Variants in USP48 observed in about 807,000 individuals in gnomAD.
USP48 encodes the protein ubiquitin carboxyl-terminal hydrolase 48.
Under a neutral mutation model 150.7 loss-of-function variants are expected in USP48, and 43 were observed. That is an observed-to-expected ratio of 0.29 (90% confidence interval 0.22 to 0.37). The LOEUF (loss-of-function observed/expected upper bound fraction) is 0.37. USP48 is among the 10% of genes least tolerant of loss of function. The pLI, the probability that USP48 is intolerant of heterozygous loss-of-function variation, is 1.00. For synonymous variants in USP48, 396 were observed against 425.9 expected, an observed-to-expected ratio of 0.93 and a Z score of 0.86; for missense variants, 813 against 1,249.6, an observed-to-expected ratio of 0.65 and a Z score of 5.27.
In USP48 at chr1:21,783,059, C is replaced by T; in HGVS notation, c.-102G>A. ...CTTCGCCACCTGCCAGCAAGGAGGA[C>T]CTGGCGCTCCTTCAGGCAGCTGGCC... On this transcript the variant is annotated 5_prime_UTR_variant, in exon 1 of 27. Transcript: ENST00000308271. 1.4e-6 allele frequency: 2 copies of T among 1,386,148 alleles called. No homozygotes were observed. Among genetic ancestry groups the T allele is most frequent in the Non-Finnish European group, 1.9e-6 (2 of 1,075,792 alleles). 85.9% of individuals were successfully genotyped at this position (1,386,148 alleles called of 1,614,324 possible).
intron 8 of USP48, among the ~76,000 whole-genome samples, chr1:21,744,777 TAAAAAAAAAA>T (rs10699993): frequency 4.5e-4 from 27 of 59,548 alleles, no homozygotes; most frequent in Admixed American, 5.4e-4. Flanking sequence ...ACTCTATCTC[TAAAAAAAAAA>T]AAAAAAAAAA....
intron 22 of USP48, among the ~76,000 whole-genome samples, chr1:21,700,707 G>A (rs1169201547): frequency 6.6e-6 from 1 of 152,250 alleles, no homozygotes; most frequent in East Asian, 1.9e-4. Flanking sequence ...CAATGTGGGG[G>A]TCTGACTTTT....
intron 8 of USP48, among the ~76,000 whole-genome samples, chr1:21,744,165 C>G (rs2097788513): frequency 6.6e-6 from 1 of 152,026 alleles, no homozygotes; most frequent in South Asian, 2.1e-4. Flanking sequence ...AAATTAAGGC[C>G]AGGCGTGGTG....
chr1:21,713,074 T>C (rs2152531733), intron 15 of USP48, among the ~76,000 whole-genome samples: 1 of 148,472 alleles, frequency 6.7e-6, no homozygotes, highest in East Asian at 2.1e-4. Context: ...CTCCCTCCCT[T>C]TCTTTCTTTC....
intron 2 of USP48, 27 bp from the exon 3 acceptor site, chr1:21,756,729 TA>T (rs755039692): frequency 4.9e-5 from 79 of 1,609,644 alleles, no homozygotes; most frequent in Non-Finnish European, 6.5e-5. Flanking sequence ...TTCATAATTA[TA>T]AAACCCATTT....
chr1:21,736,629 G>A lies in USP48; in HGVS notation c.992-4C>T. ...AGTTCATACACGTAGGACCCACCTG[G>A]AGAGAAAGGGAGAAAGTAAAAGAAA... On this transcript the variant is annotated splice_polypyrimidine_tract_variant and splice_region_variant and intron_variant, in intron 8 of 26. Transcript: ENST00000308271. 7.2e-7 allele frequency: 1 copy of A among 1,379,480 alleles called. No homozygotes were observed. The highest frequency in any genetic ancestry group is 9.4e-7 in the Non-Finnish European group (1 of 1,060,674). The allele number at this position is 1,379,480 out of a possible 1,614,324, so 85.5% of individuals were successfully genotyped here. A position where few individuals can be genotyped will look rare whatever the true frequency, so the allele number is the denominator to read the frequency against.
intron 23 of USP48, among the ~76,000 whole-genome samples, chr1:21,691,614 G>A (rs933604994): frequency 2.0e-5 from 3 of 152,190 alleles, no homozygotes; most frequent in African/African-American, 4.8e-5. Flanking sequence ...CAGTCTGGGC[G>A]AAAGAGCAAG....
chr1:21,690,069 C>A lies in USP48; in HGVS notation c.2914G>T (p.Asp972Tyr). The change falls in exon 24 of 27, where the codon GAC becomes TAC. Residue 972 changes from aspartate (D) to tyrosine (Y), a missense_variant. Transcript: ENST00000308271. ...IMHAFSVAPF[D>Y]QNLSIDGKIL... ...TTTCCATCAATTGACAAATTCTGGT[C>A]AAAAGGAGCAACTGAAAATGCATGC... The A allele has an allele frequency of 1.2e-6, 2 of 1,613,114 alleles. No individual in the cohort carries two copies. The highest frequency in any genetic ancestry group is 2.2e-5 in the South Asian group (2 of 91,032).
intron 1 of USP48, among the ~76,000 whole-genome samples, chr1:21,761,129 A>G (rs191909159): frequency 6.6e-6 from 1 of 152,270 alleles, no homozygotes; most frequent in Non-Finnish European, 1.5e-5. Flanking sequence ...AGGAAGGTAC[A>G]AAACACTGCA....
At chr1:21,734,795 A>G (rs1240397195) in intron 9 of USP48, among the ~76,000 whole-genome samples, 2 of 152,216 alleles carry the variant, frequency 1.3e-5, no homozygotes, top group Non-Finnish European at 2.9e-5. Flanking sequence ...CCTGTCTGAC[A>G]GACAATGGGA....
rs1165417886 is a variant in USP48, at chr1:21,688,851, A to AG, written c.3009+1122_3009+1123insC. On this transcript the variant is annotated intron_variant, in intron 24 of 26. Coordinates refer to ENST00000308271, the MANE Select transcript of USP48 (RefSeq NM_032236.8). ...CAGCGAGACTCCATCTCAAAAAAAA[A>AG]AAAAAAAAAAAGAAGAAGCCCCTAC... Among the ~76,000 whole-genome samples, 38 of 149,848 alleles carry AG rather than the reference A, an allele frequency of 2.5e-4. 1 individual carries two copies. The highest frequency in any genetic ancestry group is 2.1e-4 in the Non-Finnish European group (14 of 67,602).
chr1:21,771,381 A>T (rs527276152), intron 1 of USP48, among the ~76,000 whole-genome samples: 1 of 148,892 alleles, frequency 6.7e-6, no homozygotes, highest in African/African-American at 2.5e-5. Flanking sequence ...CTCAAAAAAA[A>T]ATAAATTATT....
At chr1:21,747,344 C>T (rs545768526) in intron 7 of USP48, among the ~76,000 whole-genome samples, 195 bp from the exon 8 acceptor site, 2 of 152,268 alleles carry the variant, frequency 1.3e-5, no homozygotes, top group South Asian at 2.1e-4. Context: ...AATGTGAATG[C>T]GAAGTGCTGA....
chr1:21,780,439 A>C (rs1046789112), intron 1 of USP48, among the ~76,000 whole-genome samples: 3 of 152,186 alleles, frequency 2.0e-5, no homozygotes, highest in Admixed American at 6.6e-5. Context: ...GTTTCCTTTT[A>C]GGATAATGAA....
chr1:21,695,744 A>G (rs983515853), intron 22 of USP48, among the ~76,000 whole-genome samples: 8 of 152,190 alleles, frequency 5.3e-5, no homozygotes, highest in African/African-American at 1.9e-4. Flanking sequence ...AAAACATAAT[A>G]AACTGAAAAT....
intron 12 of USP48, among the ~76,000 whole-genome samples, chr1:21,723,000 T>G (rs1370192222): frequency 1.3e-5 from 2 of 152,120 alleles, no homozygotes; most frequent in Non-Finnish European, 2.9e-5. Flanking sequence ...GAGGGAGGTG[T>G]CATGTAATTT....
intron 1 of USP48, among the ~76,000 whole-genome samples, chr1:21,765,294 G>T (rs973242160): frequency 5.9e-5 from 9 of 152,136 alleles, no homozygotes; most frequent in Admixed American, 2.6e-4. Flanking sequence ...GTGATTTTAG[G>T]CCAGGGACAC....
At chr1:21,728,795 A>AT (rs2097747150) in intron 10 of USP48, 76 bp from the exon 11 acceptor site, 2 of 1,530,902 alleles carry the variant, frequency 1.3e-6, no homozygotes, top group Admixed American at 1.8e-5. Context: ...TCTCTAAATC[A>AT]TATCAAATAC....
intron 1 of USP48, among the ~76,000 whole-genome samples, chr1:21,782,247 C>G (rs886651633): frequency 6.6e-6 from 1 of 152,138 alleles, no homozygotes; most frequent in Non-Finnish European, 1.5e-5. Flanking sequence ...AAGGACAGCA[C>G]TATCACAGCT....
Sources: gnomAD v4.1 joint callset for allele counts (sites outside exome capture counted in the v4.1 genomes callset) on GRCh38, gnomAD v4.1.1 for gene constraint, MANE v1.5 for transcripts, NCBI Gene and HGNC (gene_info 2026-07-23, HGNC 2026-07-21) for gene names.